INKA2: variants seen among roughly 807,000 people sequenced by gnomAD.
The protein encoded by INKA2 is PAK4-inhibitor INKA2.
A neutral mutation model predicts 9.8 loss-of-function variants in INKA2; 3 were observed. That is an observed-to-expected ratio of 0.31 (90% CI 0.14 to 0.79). INKA2 has a LOEUF of 0.79. Among genes scored for constraint, INKA2 ranks in the 30% least tolerant of loss-of-function variants. The pLI is 0.62. For missense variants in INKA2, 392 were observed against 384.4 expected (o/e 1.02, Z -0.17); for synonymous variants, 147 against 143.3 (o/e 1.03, Z -0.18).
Position 111,727,126 on chromosome 1 carries a change from G to C in INKA2, c.736C>G (p.Gln246Glu), listed in dbSNP as rs1476864685. ...GAAAGGCTCCGCTTCTTGACCTTCT[G>C]TGAGCGGCCGGTTCGGGACTCAGGG... is the stretch of plus-strand genomic sequence containing the variant. ...MVPESRTGRSQKVKKRSLSKG... is the reference protein window; with the variant it reads ...MVPESRTGRSEKVKKRSLSKG... The change falls in exon 2 of 2, where the codon CAG becomes GAG. Residue 246 changes from glutamine to glutamate, a missense_variant. Transcript: ENST00000357260. The C allele has an allele frequency of 1.9e-6, 3 of 1,614,124 alleles. No individual in the cohort carries two copies. In the Admixed American group the frequency reaches 5.0e-5, roughly 27 times the overall value.
At position 111,746,129 on chromosome 1, in the gene INKA2, C is replaced by A. The variant is rs1237055896; in HGVS notation, n.124+9572G>T. ...CATGCTAAACATTTCAGCCTGGACA[C>A]CCTGAGAAGAGCCAGTGCCACTGGT... is the stretch of plus-strand genomic sequence containing the variant. On this transcript the variant is annotated intron_variant and non_coding_transcript_variant, in intron 1 of 1. Coordinates refer to the INKA2 transcript ENST00000444059. 4 of 152,198 alleles carry A rather than the reference C, an allele frequency of 2.6e-5. No homozygotes were observed. The East Asian group carries it at 7.7e-4, about 29-fold the overall frequency. The allele number at this position is 152,198 out of a possible 1,614,324, so 9.4% of individuals were successfully genotyped here. A position where few individuals can be genotyped will look rare whatever the true frequency, so the allele number is the denominator to read the frequency against.
intron 1 of INKA2, 25 bp downstream of exon 1, chr1:111,739,161 G>GC (rs756768575): frequency 6.2e-7 from 1 of 1,609,910 alleles, no homozygotes; most frequent in Non-Finnish European, 8.5e-7. Flanking sequence ...AGCCCTCCCT[G>GC]CCCCGGCGCC....
chr1:111,746,476 T>C (rs1001230527), intron 1 of INKA2: 5 of 152,242 alleles, frequency 3.3e-5, no homozygotes, highest in African/African-American at 4.8e-5. Context: ...ACTGAGGCAA[T>C]AGAGAGTGAA....
At chr1:111,755,129 T>TGCGGAGGCGGATGCATGGAG (rs1553233458) in intron 1 of INKA2, 1 of 156,146 alleles carries the variant, frequency 6.4e-6, no homozygotes, top group African/African-American at 2.5e-5. Context: ...AGGGAGGTGC[T>TGCGGAGGCGGATGCATGGAG]GCGGAGGCGG....
chr1:111,753,952 C>G (rs1663464912), intron 1 of INKA2: 1 of 152,204 alleles, frequency 6.6e-6, no homozygotes, highest in Non-Finnish European at 1.5e-5. Flanking sequence ...ACCCAAACAG[C>G]TTAAGATATC....
rs78406997 is a variant in INKA2, at chr1:111,724,224, G to A, written c.*2744C>T. 1.3e-5 allele frequency: 2 copies of A among 152,268 alleles called. No individual in the cohort carries two copies. Among genetic ancestry groups the A allele is most frequent in the East Asian group, 1.9e-4 (1 of 5,180 alleles). The allele number at this position is 152,268 out of a possible 1,614,324, so 9.4% of individuals were successfully genotyped here. A position where few individuals can be genotyped will look rare whatever the true frequency, so the allele number is the denominator to read the frequency against. On this transcript the variant is annotated 3_prime_UTR_variant, in exon 2 of 2. Coordinates refer to ENST00000357260, the MANE Select transcript of INKA2 (RefSeq NM_019099.5). ...CCAAGTCTCTTCTGACTAACCAATG[G>A]TTCAAAGTCTGCTTATTTTCCACTG...
At chr1:111,752,693 T>C (rs1247958905) in intron 1 of INKA2, among the ~76,000 whole-genome samples, 7 of 151,842 alleles carry the variant, frequency 4.6e-5, no homozygotes, top group Admixed American at 4.6e-4. Context: ...GTTTTCTTTT[T>C]CTTTTTTTTT....
At chr1:111,730,775 G>T (rs537340105) in intron 1 of INKA2, among the ~76,000 whole-genome samples, 153 of 151,202 alleles carry the variant, frequency 1.0e-3, no homozygotes, top group African/African-American at 3.7e-3. Context: ...TCTACTCCTT[G>T]AGGACAGGGG....
At chr1:111,739,475 G>A, upstream of INKA2, 16 of 1,374,386 alleles carry the variant, frequency 1.2e-5, no homozygotes, top group Non-Finnish European at 1.4e-5. Flanking sequence ...ATTCAGGGGG[G>A]CTGTCTTCAG....
chr1:111,755,377 G>T, intron 1 of INKA2: 1 of 429,814 alleles, frequency 2.3e-6, no homozygotes, highest in South Asian at 3.9e-5. Flanking sequence ...ACAGCAGATG[G>T]ACACACCAGC....
chr1:111,739,510 C>A (rs910377578), upstream of INKA2: 5 of 1,185,086 alleles, frequency 4.2e-6, no homozygotes, highest in African/African-American at 8.0e-5. Context: ...GGCCGGGAGG[C>A]CGGGCTGGGC....
intron 1 of INKA2, among the ~76,000 whole-genome samples, chr1:111,752,919 T>C (rs1053193660): frequency 3.3e-5 from 5 of 152,124 alleles, no homozygotes; most frequent in African/African-American, 9.7e-5. Context: ...AGGATGGTCT[T>C]GATCTCCTGA....
upstream of INKA2, among the ~76,000 whole-genome samples, chr1:111,743,039 T>C (rs1049362953): frequency 2.0e-5 from 3 of 152,192 alleles, no homozygotes; most frequent in South Asian, 6.2e-4. Flanking sequence ...GCTTTTTCTT[T>C]TTAAAAAAGG....
Position 111,726,123 on chromosome 1 carries a change from C to T in INKA2, c.*845G>A, listed in dbSNP as rs997091214. 2 of 398,504 alleles carry T rather than the reference C, an allele frequency of 5.0e-6. No homozygotes were observed. The highest frequency in any genetic ancestry group is 4.1e-5 in the African/African-American group (2 of 48,630). The allele number at this position is 398,504 out of a possible 1,614,324, so 24.7% of individuals were successfully genotyped here. ...TGCAGTTAGACCTAGGCTGTTCTGC[C>T]TCCTGGCTGCAGTTGTTCCTGGACA... On this transcript the variant is annotated 3_prime_UTR_variant, in exon 2 of 2. Coordinates refer to ENST00000357260, the MANE Select transcript of INKA2 (RefSeq NM_019099.5).
chr1:111,735,904 C>T (rs182785611), intron 1 of INKA2, among the ~76,000 whole-genome samples: 53 of 152,328 alleles, frequency 3.5e-4, no homozygotes, highest in Admixed American at 1.0e-3. Context: ...TCCAGGAAGC[C>T]TTCCCAGCCT....
At chr1:111,751,245 TGGA>T (rs1663405171) in intron 1 of INKA2, among the ~76,000 whole-genome samples, 1 of 152,336 alleles carries the variant, frequency 6.6e-6, no homozygotes, top group Non-Finnish European at 1.5e-5. Context: ...ATTTGGGGTG[TGGA>T]GGAGAAGGAC....
At chr1:111,739,777 AG>A (rs35304825), upstream of INKA2, 6,143 of 153,242 alleles carry the variant, frequency 0.04, 154 homozygotes, top group East Asian at 0.073. Flanking sequence ...CCGATCAGGA[AG>A]GGAAACACCC....
At chr1:111,753,457 A>T (rs1663452265) in intron 1 of INKA2, among the ~76,000 whole-genome samples, 1 of 152,190 alleles carries the variant, frequency 6.6e-6, no homozygotes, top group African/African-American at 2.4e-5. Flanking sequence ...GTGAGAAAAA[A>T]AATTTGTGTT....
chr1:111,750,129 T>C (rs1159557626), intron 1 of INKA2, among the ~76,000 whole-genome samples: 3 of 152,212 alleles, frequency 2.0e-5, no homozygotes, highest in Non-Finnish European at 4.4e-5. Context: ...TGGTGTTAAA[T>C]GGGACAATTA....
Sources: allele counts gnomAD v4.1 joint callset (sites outside exome capture counted in the v4.1 genomes callset), GRCh38; gene constraint gnomAD v4.1.1; transcripts MANE v1.5; gene names NCBI Gene and HGNC (gene_info 2026-07-23, HGNC 2026-07-21).